Variants in BICRAL observed in about 807,000 individuals in gnomAD.
The protein encoded by BICRAL is BRD4-interacting chromatin-remodeling complex-associated protein-like.
BICRAL carries 8 observed loss-of-function variants against 91.8 expected under a neutral mutation model. The observed-to-expected ratio is 0.09, with a 90% CI of 0.05 to 0.16. The LOEUF (loss-of-function observed/expected upper bound fraction) is 0.16, where lower values mean the gene tolerates loss of function less well. BICRAL is among the 10% of genes least tolerant of loss of function. The pLI, the probability that BICRAL is intolerant of heterozygous loss-of-function variation, is 1.00. For synonymous variants in BICRAL, 445 were observed against 491.1 expected, an observed-to-expected ratio of 0.91 and a Z score of 1.24; for missense variants, 1,038 against 1,310.9, an observed-to-expected ratio of 0.79 and a Z score of 3.21.
At chr6:42,752,670 G>A (rs1448510485) in intron 1 of BICRAL, among the ~76,000 whole-genome samples, 1 of 151,150 alleles carries the variant, frequency 6.6e-6, no homozygotes, top group Admixed American at 6.6e-5. Flanking sequence ...GTGGCGCCAT[G>A]TTGACTCACT....
At chr6:42,823,839 G>A (rs1163428805) in intron 5 of BICRAL, among the ~76,000 whole-genome samples, 1 of 151,736 alleles carries the variant, frequency 6.6e-6, no homozygotes, top group Non-Finnish European at 1.5e-5. Flanking sequence ...GCAGAGAATT[G>A]CATAAACCCA....
In BICRAL at chr6:42,866,560, T is replaced by A. The variant is rs1765715444; in HGVS notation, c.*1114T>A. 8 of 236,982 alleles carry A rather than the reference T, an allele frequency of 3.4e-5. No individual in the cohort carries two copies. The South Asian group carries it at 4.4e-4, about 13-fold the overall frequency. The allele number at this position is 236,982 out of a possible 1,614,324, so 14.7% of individuals were successfully genotyped here. On this transcript the variant is annotated 3_prime_UTR_variant, in exon 13 of 13. Transcript: ENST00000314073. ...AGACTCTGGCCTTGTTTATGCTTCT[T>A]GTCTGAGAACAGTAGTGACCCCTGG... is the stretch of plus-strand genomic sequence containing the variant.
intron 1 of BICRAL, among the ~76,000 whole-genome samples, chr6:42,770,418 T>C (rs58016878): frequency 7.3e-6 from 1 of 137,706 alleles, no homozygotes; most frequent in Non-Finnish European, 1.6e-5. Context: ...TATTATTTTT[T>C]TTTTTTTTTT....
chr6:42,863,895 G>A (rs1294442854), intron 12 of BICRAL, among the ~76,000 whole-genome samples: 2 of 152,060 alleles, frequency 1.3e-5, no homozygotes, highest in African/African-American at 4.8e-5. Flanking sequence ...CAGGCGTGGT[G>A]GGTCACGCCT....
intron 2 of BICRAL, among the ~76,000 whole-genome samples, chr6:42,816,279 T>C (rs1763993191): frequency 6.6e-6 from 1 of 150,972 alleles, no homozygotes; most frequent in Non-Finnish European, 1.5e-5. Context: ...CTCAGAAGAC[T>C]GAAAGGGGAG....
intron 6 of BICRAL, among the ~76,000 whole-genome samples, chr6:42,834,504 T>C (rs552521308): frequency 6.6e-6 from 1 of 152,352 alleles, no homozygotes; most frequent in East Asian, 1.9e-4. Flanking sequence ...AGAGACTTTC[T>C]AATTCCTTCA....
chr6:42,857,160 A>G lies in BICRAL; in HGVS notation c.2178A>G (p.Leu726=). The G allele has an allele frequency of 6.2e-7, 1 of 1,613,334 alleles. No individual in the cohort carries two copies. Among genetic ancestry groups the G allele is most frequent in the African/African-American group, 1.3e-5 (1 of 74,970 alleles). ...CAGACAAAAGTCACTTCCGATCACT[A>G]AGTGATGCGGTACAGAGACTGCTCT... The part of the protein sequence containing the change: ...VTPDKSHFRS[L]SDAVQRLLSY... The change falls in exon 10 of 13, where the codon CTA becomes CTG. Residue 726 remains leucine (L), a synonymous_variant. Transcript: ENST00000314073.
chr6:42,775,958 C>A (rs73428443), intron 1 of BICRAL, among the ~76,000 whole-genome samples: 6 of 152,174 alleles, frequency 3.9e-5, no homozygotes, highest in African/African-American at 1.2e-4. Flanking sequence ...ACAACAACCA[C>A]AACAATAATG....
At chr6:42,796,534 A>C (rs528490883) in intron 1 of BICRAL, among the ~76,000 whole-genome samples, 1 of 152,296 alleles carries the variant, frequency 6.6e-6, no homozygotes, top group South Asian at 2.1e-4. Flanking sequence ...ATGAAGGTTC[A>C]TTGGAGAGTT....
intron 1 of BICRAL, among the ~76,000 whole-genome samples, chr6:42,809,430 A>ATTTTTT (rs989054840): frequency 3.6e-5 from 4 of 111,942 alleles, no homozygotes; most frequent in Non-Finnish European, 3.7e-5. Flanking sequence ...AACTATGAGA[A>ATTTTTT]TTTTTTTTTT....
chr6:42,823,013 G>A lies in BICRAL; in HGVS notation c.159+10G>A, dbSNP rs1384780443. On this transcript the variant is annotated intron_variant, in intron 5 of 12. Coordinates refer to ENST00000314073, the MANE Select transcript of BICRAL (RefSeq NM_001393499.1). ...TTTCGCCAACTCTAGTGTGAGTATTGGAAACTAAATGCAATGATTGAATGG... is the reference window on the plus strand; with the variant it reads ...TTTCGCCAACTCTAGTGTGAGTATTAGAAACTAAATGCAATGATTGAATGG... 3.9e-6 allele frequency: 6 copies of A among 1,544,406 alleles called. No individual in the cohort carries two copies. Among genetic ancestry groups the A allele is most frequent in the East Asian group, 4.5e-5 (2 of 44,494 alleles).
intron 1 of BICRAL, among the ~76,000 whole-genome samples, chr6:42,797,097 T>C (rs1763434423): frequency 6.7e-6 from 1 of 149,838 alleles, no homozygotes; most frequent in Non-Finnish European, 1.5e-5. Context: ...GAAATGGAAT[T>C]TGAACTGGAG....
At chr6:42,860,840 A>G (rs1257527018) in intron 11 of BICRAL, among the ~76,000 whole-genome samples, 1 of 152,190 alleles carries the variant, frequency 6.6e-6, no homozygotes, top group African/African-American at 2.4e-5. Flanking sequence ...AAAGTGTACA[A>G]CTGAGGCCAG....
chr6:42,818,336 T>C (rs1764053370), intron 2 of BICRAL, among the ~76,000 whole-genome samples: 1 of 152,182 alleles, frequency 6.6e-6, no homozygotes, highest in South Asian at 2.1e-4. Flanking sequence ...AAATCTTTGA[T>C]ATTCTGGATG....
intron 1 of BICRAL, among the ~76,000 whole-genome samples, chr6:42,790,557 T>C: frequency 6.7e-6 from 1 of 150,198 alleles, no homozygotes. Context: ...CTTTCTTTCC[T>C]CTTTGAGTCT....
chr6:42,843,397 G>A (rs1764870829), intron 6 of BICRAL, among the ~76,000 whole-genome samples: 2 of 152,168 alleles, frequency 1.3e-5, no homozygotes, highest in Non-Finnish European at 2.9e-5. Context: ...AGGCGAGTAG[G>A]GTGTTAGGTG....
intron 6 of BICRAL, among the ~76,000 whole-genome samples, chr6:42,849,312 C>T (rs1404217234): frequency 6.6e-6 from 1 of 152,130 alleles, no homozygotes; most frequent in Non-Finnish European, 1.5e-5. Flanking sequence ...TCTCAATTTC[C>T]TGGGCTCAAG....
chr6:42,837,202 C>T (rs757597968), intron 6 of BICRAL, among the ~76,000 whole-genome samples: 44 of 152,054 alleles, frequency 2.9e-4, no homozygotes, highest in Non-Finnish European at 5.3e-4. Context: ...CTGCCTCGGC[C>T]TCCCAAAGTG....
At chr6:42,844,275 C>T (rs1414958212) in intron 6 of BICRAL, among the ~76,000 whole-genome samples, 2 of 149,014 alleles carry the variant, frequency 1.3e-5, no homozygotes, top group Non-Finnish European at 3.0e-5. Flanking sequence ...ACTGGGAGGC[C>T]GAGGCAGGCG....
Sources: gnomAD v4.1 joint callset for allele counts (sites outside exome capture counted in the v4.1 genomes callset) on GRCh38, gnomAD v4.1.1 for gene constraint, MANE v1.5 for transcripts, NCBI Gene and HGNC (gene_info 2026-07-23, HGNC 2026-07-21) for gene names.